Variants in PPP6R3 observed in about 807,000 individuals in gnomAD.
The protein encoded by PPP6R3 is protein phosphatase 6 regulatory subunit 3.
In PPP6R3, 38 loss-of-function variants were observed where a neutral mutation model predicts 110.7. The observed-to-expected ratio is 0.34, with a 90% CI of 0.26 to 0.45. The LOEUF (loss-of-function observed/expected upper bound fraction) is 0.45, where lower values mean the gene tolerates loss of function less well. PPP6R3 is among the 20% of genes least tolerant of loss of function. The pLI is 1.00. For synonymous variants in PPP6R3, 369 were observed against 373.5 expected (o/e 0.99, Z 0.14); for missense variants, 870 against 1,062.4 (o/e 0.82, Z 2.52).
intron 6 of PPP6R3, among the ~76,000 whole-genome samples, chr11:68,553,373 C>T (rs1303172812): frequency 6.6e-6 from 1 of 151,732 alleles, no homozygotes; most frequent in Non-Finnish European, 1.5e-5. Context: ...GGCTCACCGC[C>T]ACCTCTGCCT....
intron 14 of PPP6R3, among the ~76,000 whole-genome samples, chr11:68,577,801 G>A (rs915588314): frequency 6.6e-6 from 1 of 152,198 alleles, no homozygotes; most frequent in African/African-American, 2.4e-5. Flanking sequence ...CTGTCACTCA[G>A]ATTGCGTCTC....
chr11:68,523,950 C>T (rs1007386923), intron 2 of PPP6R3, among the ~76,000 whole-genome samples: 1 of 152,102 alleles, frequency 6.6e-6, no homozygotes, highest in African/African-American at 2.4e-5. Flanking sequence ...CACTAAGCAT[C>T]TGGAAGGTTA....
rs11822789 is a variant in PPP6R3 at position 68,528,660 on chromosome 11, T to G, written c.-6-8999T>G. Among the ~76,000 whole-genome samples, 595 of 152,318 alleles carry G rather than the reference T, an allele frequency of 3.9e-3. 4 individuals carry two copies. Among genetic ancestry groups the G allele is most frequent in the African/African-American group, 0.013 (548 of 41,556 alleles). On this transcript the variant is annotated intron_variant, in intron 2 of 23. Coordinates refer to ENST00000393800, the MANE Select transcript of PPP6R3 (RefSeq NM_001164161.2). ...TCAGGGGGAAGAGTTTCTCATTAAC[T>G]TACAACACTAAGAGATAACTTCCGT...
chr11:68,598,415 G>A (rs1407023597), intron 19 of PPP6R3, among the ~76,000 whole-genome samples: 3 of 152,212 alleles, frequency 2.0e-5, no homozygotes, highest in Non-Finnish European at 2.9e-5. Flanking sequence ...CAGCGAGGAG[G>A]CGAGCACCCT....
chr11:68,547,634 T>C (rs1187849271), intron 4 of PPP6R3, among the ~76,000 whole-genome samples: 1 of 152,170 alleles, frequency 6.6e-6, no homozygotes, highest in Non-Finnish European at 1.5e-5. Context: ...TGTTTTGAAA[T>C]TTTTTTCTCA....
intron 2 of PPP6R3, among the ~76,000 whole-genome samples, chr11:68,531,341 T>TTATTTATTTATTTATG (rs1565643384): frequency 6.6e-6 from 1 of 150,882 alleles, no homozygotes; most frequent in African/African-American, 2.4e-5. Context: ...ATTTATTTAT[T>TTATTTATTTATTTATG]TATTTATTTA....
chr11:68,524,266 G>C (rs1336930178), intron 2 of PPP6R3, among the ~76,000 whole-genome samples: 9 of 152,104 alleles, frequency 5.9e-5, no homozygotes, highest in African/African-American at 1.9e-4. Flanking sequence ...CTTGGGTACA[G>C]TACAAGACAG....
At chr11:68,491,051 T>G (rs539867691) in intron 1 of PPP6R3, among the ~76,000 whole-genome samples, 6 of 152,014 alleles carry the variant, frequency 3.9e-5, no homozygotes, top group Non-Finnish European at 5.9e-5. Context: ...CTGGGCGTGG[T>G]GGCACACACC....
intron 1 of PPP6R3, among the ~76,000 whole-genome samples, chr11:68,478,647 GTTTTTTTTTT>G (rs769296530): frequency 3.0e-4 from 15 of 50,514 alleles, no homozygotes; most frequent in East Asian, 2.7e-3. Context: ...CACTTGGTAA[GTTTTTTTTTT>G]TTTTTTTTTT....
chr11:68,524,173 G>A (rs560603976), intron 2 of PPP6R3, among the ~76,000 whole-genome samples: 40 of 152,290 alleles, frequency 2.6e-4, no homozygotes, highest in African/African-American at 7.0e-4. Flanking sequence ...CTCTCATGAA[G>A]CCACAGACCT....
intron 1 of PPP6R3, among the ~76,000 whole-genome samples, chr11:68,461,456 C>T (rs1346106267): frequency 7.5e-6 from 1 of 133,950 alleles, no homozygotes; most frequent in East Asian, 2.4e-4. Context: ...TGTATGTAAA[C>T]TGTCTCGAAT....
At chr11:68,486,127 A>AT (rs2098945666) in intron 1 of PPP6R3, among the ~76,000 whole-genome samples, 2 of 151,920 alleles carry the variant, frequency 1.3e-5, no homozygotes, top group South Asian at 4.2e-4. Context: ...GTGGTATATA[A>AT]TTTTTTATAT....
intron 1 of PPP6R3, among the ~76,000 whole-genome samples, chr11:68,501,132 C>T (rs1364092319): frequency 1.3e-5 from 2 of 152,304 alleles, no homozygotes; most frequent in African/African-American, 2.4e-5. Flanking sequence ...GGCTTTCCTT[C>T]TCTTGTTGCC....
At chr11:68,577,852 G>A (rs1445941586) in intron 14 of PPP6R3, among the ~76,000 whole-genome samples, 3 of 151,976 alleles carry the variant, frequency 2.0e-5, no homozygotes, top group Admixed American at 6.5e-5. Context: ...CATCATACTC[G>A]GACTGCATAA....
rs777209468 is a variant in PPP6R3 at position 68,613,622 on chromosome 11, T to A, written c.*505T>A. The A allele has an allele frequency of 2.0e-6, 2 of 985,760 alleles. No individual in the cohort carries two copies. The highest frequency in any genetic ancestry group is 3.5e-5 in the African/African-American group (2 of 57,264). 61.1% of individuals were successfully genotyped at this position (985,760 alleles called of 1,614,324 possible). A position where few individuals can be genotyped will look rare whatever the true frequency, so the allele number is the denominator to read the frequency against. The stretch of plus-strand genomic sequence containing the variant: ...AATGCCCTCTAAGTGTTATTTTGGT[T>A]GTTCTAACTTACAAAAGTGATTTTG... On this transcript the variant is annotated 3_prime_UTR_variant, in exon 24 of 24. Transcript: ENST00000393800.
chr11:68,614,275 A>T lies in PPP6R3; in HGVS notation c.*1158A>T. On this transcript the variant is annotated 3_prime_UTR_variant, in exon 24 of 24. Coordinates refer to ENST00000393800, the MANE Select transcript of PPP6R3 (RefSeq NM_001164161.2). ...TATAGTGATTATGGATACTAATTCA[A>T]TGTAATTTATAATTTTCTATGTCAA... 8 of 1,034,826 alleles carry T rather than the reference A, an allele frequency of 7.7e-6. No homozygotes were observed. The highest frequency in any genetic ancestry group is 9.3e-6 in the Non-Finnish European group (8 of 860,318). 64.1% of individuals were successfully genotyped at this position (1,034,826 alleles called of 1,614,324 possible).
At chr11:68,609,328 C>T (rs890741794) in intron 22 of PPP6R3, 20 of 607,450 alleles carry the variant, frequency 3.3e-5, no homozygotes, top group East Asian at 3.2e-4. Flanking sequence ...CTCGAGGAGC[C>T]GTGAAATCCG....
At chr11:68,472,695 G>C (rs1189299173) in intron 1 of PPP6R3, among the ~76,000 whole-genome samples, 1 of 151,768 alleles carries the variant, frequency 6.6e-6, no homozygotes, top group Non-Finnish European at 1.5e-5. Flanking sequence ...GTGTACAACT[G>C]ATGGATTTTA....
chr11:68,572,264 C>G (rs764794890), intron 12 of PPP6R3, among the ~76,000 whole-genome samples: 2 of 152,182 alleles, frequency 1.3e-5, no homozygotes, highest in Non-Finnish European at 2.9e-5. Flanking sequence ...GCCTCCTCAT[C>G]TGGCCAGGGC....
Sources: gnomAD v4.1 joint callset for allele counts (sites outside exome capture counted in the v4.1 genomes callset) on GRCh38, gnomAD v4.1.1 for gene constraint, MANE v1.5 for transcripts, NCBI Gene and HGNC (gene_info 2026-07-23, HGNC 2026-07-21) for gene names.